Variants in OXR1 observed in about 807,000 individuals in gnomAD.
The protein encoded by OXR1 is oxidation resistance protein 1.
In OXR1, 41 loss-of-function variants were observed where a neutral mutation model predicts 104.6. The ratio of observed to expected loss-of-function variants is 0.39; its 90% confidence interval spans 0.31 to 0.51. OXR1 has a LOEUF of 0.51. Ranked by LOEUF, OXR1 falls within the 20% of genes least tolerant of loss-of-function variation. OXR1 has a pLI of 0.77. For synonymous variants in OXR1, 348 were observed against 348.4 expected (o/e 1.00, Z 0.01); for missense variants, 955 against 1,031.9 (o/e 0.93, Z 1.02).
At chr8:106,325,521 C>T (rs1814434814) in intron 1 of OXR1, among the ~76,000 whole-genome samples, 1 of 152,132 alleles carries the variant, frequency 6.6e-6, no homozygotes, top group African/African-American at 2.4e-5. Context: ...ATAATAATAG[C>T]ATCTATGACC....
At chr8:106,609,985 C>T (rs972277910) in intron 3 of OXR1, among the ~76,000 whole-genome samples, 1 of 152,162 alleles carries the variant, frequency 6.6e-6, no homozygotes, top group East Asian at 1.9e-4. Flanking sequence ...GAAGATGATG[C>T]TCAAATTTAA....
In OXR1 at chr8:106,726,992, G is replaced by A. The variant is rs1253963827; in HGVS notation, c.1957-10528G>A. ...TGTAGATGATTTAAAATCCAATAAG[G>A]ACTTTGGAAGATGCCCCCAAAGCAG... is the stretch of plus-strand genomic sequence containing the variant. On this transcript the variant is annotated intron_variant, in intron 11 of 16. Coordinates refer to ENST00000517566, the MANE Select transcript of OXR1 (RefSeq NM_001198533.2). Among the ~76,000 whole-genome samples the A allele has an allele frequency of 7.2e-5, 11 of 152,220 alleles. No homozygotes were observed. The South Asian group carries it at 2.3e-3, about 32-fold the overall frequency.
At chr8:106,284,874 A>G (rs1236342668) in intron 1 of OXR1, among the ~76,000 whole-genome samples, 2 of 152,078 alleles carry the variant, frequency 1.3e-5, no homozygotes, top group Non-Finnish European at 2.9e-5. Flanking sequence ...TTACTTGTTT[A>G]TTTGAACTTT....
At chr8:106,387,330 A>T (rs1318801441) in intron 2 of OXR1, among the ~76,000 whole-genome samples, 8 of 152,226 alleles carry the variant, frequency 5.3e-5, no homozygotes, top group African/African-American at 1.7e-4. Context: ...TTATTTCACA[A>T]TTGAAATAAC....
intron 2 of OXR1, among the ~76,000 whole-genome samples, chr8:106,475,976 A>G (rs1412125388): frequency 6.8e-6 from 1 of 146,794 alleles, no homozygotes; most frequent in East Asian, 1.9e-4. Flanking sequence ...CACCCTCTGA[A>G]CACAGTTTAA....
At chr8:106,674,283 G>A (rs1563692073) in intron 3 of OXR1, among the ~76,000 whole-genome samples, 1 of 152,228 alleles carries the variant, frequency 6.6e-6, no homozygotes, top group African/African-American at 2.4e-5. Context: ...AGTCAAAGGA[G>A]ATTATTTTGA....
intron 3 of OXR1, among the ~76,000 whole-genome samples, chr8:106,655,719 A>G (rs576016049): frequency 6.6e-6 from 1 of 152,314 alleles, no homozygotes; most frequent in East Asian, 1.9e-4. Context: ...AAATACAGAG[A>G]ATAAAAGAGA....
chr8:106,401,814 C>G (rs1193754729), intron 2 of OXR1, among the ~76,000 whole-genome samples: 1 of 152,162 alleles, frequency 6.6e-6, no homozygotes, highest in Non-Finnish European at 1.5e-5. Flanking sequence ...GTAGTTGCTA[C>G]TTCTTGCTCA....
At chr8:106,676,943 T>C (rs955418024) in intron 3 of OXR1, among the ~76,000 whole-genome samples, 8 of 152,168 alleles carry the variant, frequency 5.3e-5, no homozygotes, top group Non-Finnish European at 8.8e-5. Context: ...AGAAAGTTAG[T>C]ACATTAGTTT....
chr8:106,287,521 G>A (rs16874303), intron 1 of OXR1, among the ~76,000 whole-genome samples: 3,443 of 152,176 alleles, frequency 0.023, 47 homozygotes, highest in South Asian at 0.093. Flanking sequence ...CAATTAGAGG[G>A]AAAAGTGCAA....
intron 3 of OXR1, among the ~76,000 whole-genome samples, chr8:106,665,959 A>G (rs1202402271): frequency 1.3e-5 from 2 of 152,210 alleles, no homozygotes; most frequent in Non-Finnish European, 2.9e-5. Context: ...ATAACAAAAA[A>G]AAAACTCATG....
In OXR1 at chr8:106,519,045, C is replaced by G; in HGVS notation, c.126C>G (p.Pro42=). ...QTPQASKPPA[P]KTPIIEEEQN... ...CACAAGCCAGTAAGCCCCCGGCACC[C>G]AAGACCCCCATCATTGAAGAAGAGC... The change falls in exon 3 of 17, where the codon CCC becomes CCG. Residue 42 remains proline, a synonymous_variant. Coordinates refer to ENST00000517566, the MANE Select transcript of OXR1 (RefSeq NM_001198533.2). The G allele has an allele frequency of 6.4e-7, 1 of 1,552,014 alleles. No individual in the cohort carries two copies. The highest frequency in any genetic ancestry group is 8.7e-7 in the Non-Finnish European group (1 of 1,146,962).
intron 1 of OXR1, among the ~76,000 whole-genome samples, chr8:106,317,788 A>T (rs80355691): frequency 0.04 from 5,644 of 140,002 alleles, 165 homozygotes; most frequent in Non-Finnish European, 0.058. Flanking sequence ...TGTTCTAACT[A>T]AATTCCAAAA....
intron 3 of OXR1, among the ~76,000 whole-genome samples, chr8:106,575,653 A>G (rs1032103442): frequency 2.0e-5 from 3 of 151,928 alleles, no homozygotes; most frequent in East Asian, 1.9e-4. Flanking sequence ...AATTAATTTA[A>G]TGATAGCAAT....
chr8:106,386,728 T>C (rs1586591984), intron 2 of OXR1, among the ~76,000 whole-genome samples: 2 of 152,182 alleles, frequency 1.3e-5, no homozygotes, highest in African/African-American at 4.8e-5. Context: ...GGAACAGTCA[T>C]TGAGAAGGGC....
chr8:106,563,433 G>A (rs902362219), intron 3 of OXR1, among the ~76,000 whole-genome samples: 2 of 152,012 alleles, frequency 1.3e-5, no homozygotes, highest in African/African-American at 2.4e-5. Context: ...GCAACAAGAA[G>A]TGCTAACTAT....
chr8:106,585,207 G>A (rs900368866), intron 3 of OXR1, among the ~76,000 whole-genome samples: 2 of 152,000 alleles, frequency 1.3e-5, no homozygotes, highest in Non-Finnish European at 2.9e-5. Context: ...TATGACCATA[G>A]GTTTGTGTTG....
intron 2 of OXR1, among the ~76,000 whole-genome samples, chr8:106,382,140 T>C (rs976840833): frequency 1.3e-5 from 2 of 152,236 alleles, no homozygotes; most frequent in African/African-American, 4.8e-5. Flanking sequence ...GTCCTGGCTC[T>C]GCAGCTAACT....
chr8:106,485,268 A>C (rs781583717), intron 2 of OXR1, among the ~76,000 whole-genome samples: 3 of 152,086 alleles, frequency 2.0e-5, no homozygotes, highest in Non-Finnish European at 2.9e-5. Flanking sequence ...CATTCTTCCA[A>C]ACCCATAGAT....
Sources: gnomAD v4.1 joint callset for allele counts (sites outside exome capture counted in the v4.1 genomes callset) on GRCh38, gnomAD v4.1.1 for gene constraint, MANE v1.5 for transcripts, NCBI Gene and HGNC (gene_info 2026-07-23, HGNC 2026-07-21) for gene names.